ST3GAL4: variants seen among roughly 807,000 people sequenced by gnomAD.
ST3GAL4 encodes ST3 beta-galactoside alpha-2,3-sialyltransferase 4.
In ST3GAL4, 24 loss-of-function variants were observed where a neutral mutation model predicts 42.6. The observed-to-expected ratio is 0.56, with a 90% CI of 0.41 to 0.79. The LOEUF (loss-of-function observed/expected upper bound fraction) is 0.79, where lower values mean the gene tolerates loss of function less well. ST3GAL4 is among the 30% of genes least tolerant of loss of function. The pLI, the probability that ST3GAL4 is intolerant of heterozygous loss-of-function variation, is 0.00. For synonymous variants in ST3GAL4, 135 were observed against 163.2 expected, an observed-to-expected ratio of 0.83 and a Z score of 1.32; for missense variants, 311 against 430.8, an observed-to-expected ratio of 0.72 and a Z score of 2.46.
At position 126,373,511 on chromosome 11, in the gene ST3GAL4, A is replaced by G. The variant is rs1381419114; in HGVS notation, c.-61+17669A>G. 6.6e-6 allele frequency among the ~76,000 whole-genome samples: 1 copy of G among 152,184 alleles called. No homozygotes were observed. Among genetic ancestry groups the G allele is most frequent in the African/African-American group, 2.4e-5 (1 of 41,438 alleles). ...GCCCCTCCCAGGCAGACACCAAGGTATGATTTTCAAGTGGTTGGTGTCTTG... is the reference window on the plus strand; with the variant it reads ...GCCCCTCCCAGGCAGACACCAAGGTGTGATTTTCAAGTGGTTGGTGTCTTG... On this transcript the variant is annotated intron_variant, in intron 1 of 10. Transcript: ENST00000444328. This position sits in a 1 kb window ranked among gnomAD's most constrained non-coding sequence, Gnocchi z 5.5.
chr11:126,388,959 G>A (rs958768316), intron 1 of ST3GAL4, among the ~76,000 whole-genome samples: 10 of 151,130 alleles, frequency 6.6e-5, no homozygotes, highest in Non-Finnish European at 1.2e-4. Flanking sequence ...TGTATTTTTA[G>A]TAGAGACGGG....
intron 1 of ST3GAL4, among the ~76,000 whole-genome samples, chr11:126,371,688 C>T (rs539467088): frequency 2.6e-4 from 39 of 152,302 alleles, no homozygotes; most frequent in Non-Finnish European, 4.3e-4. Context: ...CCTCTCCTGA[C>T]GATAGTTAAG....
At chr11:126,389,768 A>G (rs906986267) in intron 1 of ST3GAL4, among the ~76,000 whole-genome samples, 1 of 152,056 alleles carries the variant, frequency 6.6e-6, no homozygotes, top group Non-Finnish European at 1.5e-5. Context: ...TATTTTTTAA[A>G]TAAAGATGAA....
chr11:126,357,204 A>ACTCCCAGACTGCTCCTGTGCCTGGCCCC (rs1952101691), intron 1 of ST3GAL4, among the ~76,000 whole-genome samples: 1 of 151,538 alleles, frequency 6.6e-6, no homozygotes, highest in African/African-American at 2.4e-5. Context: ...CTCCTGGCCC[A>ACTCCCAGACTGCTCCTGTGCCTGGCCCC]CTCCCAGACT....
rs112771035 is a variant in ST3GAL4, at chr11:126,355,981, C to G, written c.-61+139C>G. On this transcript the variant is annotated intron_variant, in intron 1 of 10. Transcript: ENST00000444328. This position sits in a 1 kb window ranked among gnomAD's most constrained non-coding sequence, Gnocchi z 7.1. ...CCCTGCACGTGGGCGCAGCGCGGGT[C>G]GGGGTGGGGCTGCCACAGCCCTGCG... The G allele has an allele frequency of 0.055, 8,356 of 151,916 alleles. 302 individuals carry two copies. Among genetic ancestry groups the G allele is most frequent in the East Asian group, 0.092 (471 of 5,142 alleles). 9.4% of individuals were successfully genotyped at this position (151,916 alleles called of 1,614,324 possible).
intron 1 of ST3GAL4, among the ~76,000 whole-genome samples, chr11:126,371,456 C>A (rs934216888): frequency 6.6e-6 from 1 of 152,124 alleles, no homozygotes; most frequent in Non-Finnish European, 1.5e-5. Context: ...AGCCACCGCG[C>A]CTGGCCTATT....
intron 1 of ST3GAL4, among the ~76,000 whole-genome samples, chr11:126,394,392 C>T (rs1481764061): frequency 2.0e-5 from 3 of 152,196 alleles, no homozygotes; most frequent in African/African-American, 7.2e-5. Flanking sequence ...AATTCAAAGC[C>T]TCTGCCCCTC....
chr11:126,389,680 T>G (rs1379035373), intron 1 of ST3GAL4, among the ~76,000 whole-genome samples: 1 of 152,146 alleles, frequency 6.6e-6, no homozygotes, highest in Non-Finnish European at 1.5e-5. Context: ...TCCTCCCACC[T>G]TAGTTAGCCT....
chr11:126,370,771 G>A (rs1201678718), intron 1 of ST3GAL4, among the ~76,000 whole-genome samples: 1 of 151,796 alleles, frequency 6.6e-6, no homozygotes, highest in East Asian at 1.9e-4. Flanking sequence ...CTGCATCCCG[G>A]GTTCAAGCAA....
intron 1 of ST3GAL4, among the ~76,000 whole-genome samples, chr11:126,372,826 C>T (rs781755827): frequency 3.3e-5 from 5 of 152,190 alleles, no homozygotes; most frequent in African/African-American, 9.7e-5. Flanking sequence ...TTTGTTCATT[C>T]ATCCATTGAT....
chr11:126,379,666 T>G lies in ST3GAL4; in HGVS notation c.-61+23824T>G, dbSNP rs1952929289. 6.6e-6 allele frequency among the ~76,000 whole-genome samples: 1 copy of G among 151,924 alleles called. No individual in the cohort carries two copies. Among genetic ancestry groups the G allele is most frequent in the Admixed American group, 6.6e-5 (1 of 15,238 alleles). ...CTAATTTTTGTATTTTTAGTAGAGA[T>G]GGGGTTTCACCACGTTGGCCAGGCT... On this transcript the variant is annotated intron_variant, in intron 1 of 10. Transcript: ENST00000444328. The surrounding 1 kb of genome is among the most constrained non-coding windows in gnomAD (Gnocchi z 4.2).
Position 126,390,017 on chromosome 11 carries a change from C to CAAAAA in ST3GAL4, c.-60-16067_-60-16063dup, listed in dbSNP as rs57306343. Among the ~76,000 whole-genome samples, 781 of 114,584 alleles carry CAAAAA rather than the reference C, an allele frequency of 6.8e-3. 22 individuals are homozygous for CAAAAA. Among genetic ancestry groups the CAAAAA allele is most frequent in the African/African-American group, 0.024 (716 of 29,566 alleles). The allele number at this position is 114,584 out of a possible 152,430, so 75.2% of individuals were successfully genotyped here. On this transcript the variant is annotated intron_variant, in intron 1 of 10. Coordinates refer to ENST00000444328, the MANE Select transcript of ST3GAL4 (RefSeq NM_001254757.2). ...TGAAACCCCGTCTCTGCTAAAAATA[C>CAAAAA]AAAAAAAAAAAAAAAATTAGCTGGG...
In ST3GAL4 at chr11:126,411,600, C is replaced by G. The variant is rs1954528882; in HGVS notation, c.772-1905C>G. Among the ~76,000 whole-genome samples, 1 of 152,158 alleles carries G rather than the reference C, an allele frequency of 6.6e-6. No individual in the cohort carries two copies. The highest frequency in any genetic ancestry group is 1.9e-4 in the East Asian group (1 of 5,190). The stretch of plus-strand genomic sequence containing the variant: ...GACTCGGTGTGTCAACCAGACAGTT[C>G]TCATCTGGAAGCTTGGGGGAAAATT... On this transcript the variant is annotated intron_variant, in intron 9 of 10. Transcript: ENST00000444328. This position sits in a 1 kb window ranked among gnomAD's most constrained non-coding sequence, Gnocchi z 6.3.
chr11:126,374,377 G>T (rs903594580), intron 1 of ST3GAL4, among the ~76,000 whole-genome samples: 7 of 150,934 alleles, frequency 4.6e-5, no homozygotes, highest in African/African-American at 1.7e-4. Context: ...GCTTGAACCC[G>T]GGAGGTGGAG....
rs906692885 is a variant in ST3GAL4, at chr11:126,376,254, A to G, written c.-61+20412A>G. ...ATATTTGAAAGCCAGTAAATATAAA[A>G]TAAAATATATTACCTGTGTGAAAGA... On this transcript the variant is annotated intron_variant, in intron 1 of 10. Transcript: ENST00000444328. The surrounding 1 kb of genome is among the most constrained non-coding windows in gnomAD (Gnocchi z 5.1). Among the ~76,000 whole-genome samples the G allele has an allele frequency of 7.2e-4, 110 of 152,198 alleles. No homozygotes were observed. The highest frequency in any genetic ancestry group is 2.6e-3 in the African/African-American group (108 of 41,450).
intron 1 of ST3GAL4, among the ~76,000 whole-genome samples, chr11:126,375,813 G>A (rs1027999151): frequency 1.3e-5 from 2 of 150,678 alleles, no homozygotes; most frequent in Non-Finnish European, 2.9e-5. Context: ...ACAATGAACT[G>A]TCTGGCCCCC....
chr11:126,404,948 C>T (rs1346798642), intron 1 of ST3GAL4, among the ~76,000 whole-genome samples: 1 of 152,246 alleles, frequency 6.6e-6, no homozygotes, highest in Non-Finnish European at 1.5e-5. Context: ...ATGCTGTCCC[C>T]AGCCCCTATG....
At chr11:126,367,488 T>C (rs893721789) in intron 1 of ST3GAL4, among the ~76,000 whole-genome samples, 46 of 152,302 alleles carry the variant, frequency 3.0e-4, no homozygotes, top group Middle Eastern at 3.4e-3. Context: ...GGAGAGGGGC[T>C]GCCTTGTGCC....
Position 126,378,317 on chromosome 11 carries a change from C to T in ST3GAL4, c.-61+22475C>T, listed in dbSNP as rs80233155. 3.4e-3 allele frequency among the ~76,000 whole-genome samples: 523 copies of T among 152,256 alleles called. 3 individuals are homozygous for T. Among genetic ancestry groups the T allele is most frequent in the African/African-American group, 0.012 (487 of 41,548 alleles). On this transcript the variant is annotated intron_variant, in intron 1 of 10. Coordinates refer to ENST00000444328, the MANE Select transcript of ST3GAL4 (RefSeq NM_001254757.2). This position sits in a 1 kb window ranked among gnomAD's most constrained non-coding sequence, Gnocchi z 5.3. Reference sequence around the variant, plus strand: ...TCACATCTGCGTCTGCACAGCGCCACGTTGAATGGTTATGGTTTCAATTGG... The same window carrying T: ...TCACATCTGCGTCTGCACAGCGCCATGTTGAATGGTTATGGTTTCAATTGG...
Sources: allele counts gnomAD v4.1 joint callset (sites outside exome capture counted in the v4.1 genomes callset), GRCh38; gene constraint gnomAD v4.1.1; non-coding constraint Gnocchi (gnomAD v3.1); transcripts MANE v1.5; gene names NCBI Gene and HGNC (gene_info 2026-07-23, HGNC 2026-07-21).